HUWE1: variants seen among roughly 807,000 people sequenced by gnomAD.
HUWE1 encodes HECT, UBA and WWE domain containing E3 ubiquitin protein ligase 1, also known as E3 ubiquitin-protein ligase HUWE1.
In HUWE1, 18 loss-of-function variants were observed where a neutral mutation model predicts 299.4. The observed-to-expected ratio is 0.06, with a 90% CI of 0.04 to 0.09. The LOEUF (loss-of-function observed/expected upper bound fraction) is 0.09. Ranked by LOEUF, HUWE1 falls within the 10% of genes least tolerant of loss-of-function variation. HUWE1 has a pLI of 1.00. For synonymous variants in HUWE1, 1,317 were observed against 1,286.1 expected, an observed-to-expected ratio of 1.02 and a Z score of -0.51; for missense variants, 1,832 against 3,462.3, an observed-to-expected ratio of 0.53 and a Z score of 11.82.
rs1353696166 is a variant in HUWE1, at chrX:53,603,297, C to T, written c.2876+71G>A. On this transcript the variant is annotated intron_variant, in intron 27 of 83. Coordinates refer to ENST00000262854, the MANE Select transcript of HUWE1 (RefSeq NM_031407.7). The stretch of plus-strand genomic sequence containing the variant: ...ACTCTCTTCCATACCCTCCTATCCC[C>T]AACCAAAGCAATCCTCCAGGCTCAC... The T allele has an allele frequency of 9.1e-6, 10 of 1,099,541 alleles. No individual in the cohort carries two copies. The Admixed American group carries it at 1.7e-4, about 18-fold the overall frequency. The allele number at this position is 1,099,541 out of a possible 1,213,427, so 90.6% of individuals were successfully genotyped here. A position where few individuals can be genotyped will look rare whatever the true frequency, so the allele number is the denominator to read the frequency against.
chrX:53,568,391 G>C (rs782444152), intron 49 of HUWE1, among the ~76,000 whole-genome samples: 39 of 110,661 alleles, frequency 3.5e-4, no homozygotes, highest in African/African-American at 1.3e-3. Flanking sequence ...TAGGAATACA[G>C]TGTCTACTTC....
intron 3 of HUWE1, among the ~76,000 whole-genome samples, chrX:53,663,088 C>A (rs928214203): frequency 8.9e-5 from 10 of 112,339 alleles, no homozygotes; most frequent in Non-Finnish European, 1.5e-4. Flanking sequence ...TGAGGTATGT[C>A]CACTGAAATT....
chrX:53,646,685 C>A (rs2068073071), intron 6 of HUWE1, among the ~76,000 whole-genome samples: 1 of 111,666 alleles, frequency 9.0e-6, no homozygotes, highest in African/African-American at 3.3e-5. Flanking sequence ...TCAGTTATCC[C>A]ACTTCTTTTC....
chrX:53,627,312 A>T (rs1460301493), intron 17 of HUWE1, 98 bp downstream of exon 17: 2 of 550,002 alleles, frequency 3.6e-6, no homozygotes, highest in African/African-American at 4.6e-5. Flanking sequence ...TACTCAAGTT[A>T]ATTGTGTACT....
At position 53,585,233 on chromosome X, in the gene HUWE1, G is replaced by A. The variant is rs782559846; in HGVS notation, c.4825-45C>T. 121 of 1,155,311 alleles carry A rather than the reference G, an allele frequency of 1.0e-4. 1 individual carries two copies. In the South Asian group the frequency reaches 2.1e-3, roughly 20 times the overall value. ...GTTTCTTTGTATTTCTTTCAAGGTT[G>A]ATTAGAAGAAATAGTAACTTCATCA... On this transcript the variant is annotated intron_variant, in intron 39 of 83. Coordinates refer to ENST00000262854, the MANE Select transcript of HUWE1 (RefSeq NM_031407.7).
At position 53,561,917 on chromosome X, in the gene HUWE1, T is replaced by C. The variant is rs2062311702; in HGVS notation, c.7346A>G (p.Asp2449Gly). 2 of 1,209,327 alleles carry C rather than the reference T, an allele frequency of 1.7e-6. No homozygotes were observed. The highest frequency in any genetic ancestry group is 1.8e-5 in the African/African-American group (1 of 57,022). Residue 2449 changes from aspartate (D) to glycine (G), a missense_variant, in exon 55 of 84, where the codon GAT becomes GGT. Coordinates refer to ENST00000262854, the MANE Select transcript of HUWE1 (RefSeq NM_031407.7). ...EEDEEDDQEDDEGEEGDEDDD... is the reference protein window; with the variant it reads ...EEDEEDDQEDGEGEEGDEDDD... ...GTCTTCATCTCCCTCTTCACCTTCATCATCCTCCTTAAGGGAAAATAGGAG... is the reference window on the plus strand; with the variant it reads ...GTCTTCATCTCCCTCTTCACCTTCACCATCCTCCTTAAGGGAAAATAGGAG...
intron 3 of HUWE1, among the ~76,000 whole-genome samples, chrX:53,666,793 G>C (rs1390442274): frequency 9.0e-6 from 1 of 111,605 alleles, no homozygotes; most frequent in Admixed American, 9.5e-5. Flanking sequence ...GCTGAGTTCT[G>C]CAAGAGTGGG....
At chrX:53,566,065 C>T (rs1569449788) in intron 49 of HUWE1, among the ~76,000 whole-genome samples, 1 of 94,947 alleles carries the variant, frequency 1.1e-5, no homozygotes, top group Non-Finnish European at 2.1e-5. Context: ...CTTTTATCTG[C>T]TTTATGTGTG....
chrX:53,592,087 A>G (rs1556979564), intron 33 of HUWE1, among the ~76,000 whole-genome samples: 3 of 112,168 alleles, frequency 2.7e-5, no homozygotes, highest in Non-Finnish European at 3.8e-5. Flanking sequence ...AATCTGGTTC[A>G]CAATATCCAT....
chrX:53,538,462 G>A lies in HUWE1; in HGVS notation c.11879-8C>T, dbSNP rs782326335. 1.8e-6 allele frequency: 2 copies of A among 1,129,088 alleles called. No homozygotes were observed. The highest frequency in any genetic ancestry group is 3.0e-5 in the East Asian group (1 of 33,506). 93.0% of individuals were successfully genotyped at this position (1,129,088 alleles called of 1,213,427 possible). ...ACACAGTGCGGTGAGTCTCTGAGGG[G>A]AGAAGTGACAGCAGGAATTAAGCAC... On this transcript the variant is annotated splice_region_variant and splice_polypyrimidine_tract_variant and intron_variant, in intron 76 of 83. Transcript: ENST00000262854.
chrX:53,597,006 C>T (rs895808133), intron 29 of HUWE1, among the ~76,000 whole-genome samples: 4 of 111,906 alleles, frequency 3.6e-5, no homozygotes, highest in African/African-American at 9.7e-5. Context: ...TGAAAATGCA[C>T]GTTTATGTGG....
At chrX:53,592,761 G>T in intron 32 of HUWE1, 133 bp from the exon 33 acceptor site, 1 of 513,050 alleles carries the variant, frequency 1.9e-6, no homozygotes, top group Non-Finnish European at 3.4e-6. Flanking sequence ...AACATGAGGA[G>T]GTCTAAGGAG....
intron 25 of HUWE1, among the ~76,000 whole-genome samples, chrX:53,605,071 A>C (rs1200347844): frequency 7.1e-5 from 8 of 112,157 alleles, no homozygotes; most frequent in African/African-American, 2.6e-4. Context: ...ATAACACTTA[A>C]AAGCTTATGA....
intron 61 of HUWE1, among the ~76,000 whole-genome samples, chrX:53,553,975 T>C (rs1324083507): frequency 9.0e-6 from 1 of 110,717 alleles, no homozygotes; most frequent in Non-Finnish European, 1.9e-5. Flanking sequence ...TGAGAAGACT[T>C]TTCAGGCCCC....
chrX:53,615,690 C>T, intron 22 of HUWE1, 54 bp downstream of exon 22: 2 of 992,258 alleles, frequency 2.0e-6, no homozygotes, highest in South Asian at 2.0e-5. Flanking sequence ...TCTTCTAAAA[C>T]CTTCCCCTTC....
intron 17 of HUWE1, among the ~76,000 whole-genome samples, chrX:53,626,887 C>T (rs1451704675): frequency 9.0e-6 from 1 of 111,209 alleles, no homozygotes; most frequent in Non-Finnish European, 1.9e-5. Flanking sequence ...AGGCTGGCCT[C>T]GAACCCCTGG....
At chrX:53,596,779 T>C (rs781826616) in intron 29 of HUWE1, among the ~76,000 whole-genome samples, 21 of 112,536 alleles carry the variant, frequency 1.9e-4, no homozygotes, top group African/African-American at 5.2e-4. Flanking sequence ...ACTAGTGACG[T>C]TGGAAGTGCT....
intron 3 of HUWE1, among the ~76,000 whole-genome samples, chrX:53,667,292 A>G: frequency 8.9e-6 from 1 of 112,270 alleles, no homozygotes; most frequent in Non-Finnish European, 1.9e-5. Flanking sequence ...GTGTAGAAAA[A>G]TAAGTCTAGA....
intron 29 of HUWE1, among the ~76,000 whole-genome samples, chrX:53,598,193 T>G (rs1166344222): frequency 4.5e-5 from 5 of 111,561 alleles, no homozygotes; most frequent in Admixed American, 3.8e-4. Flanking sequence ...GGAACCAAAG[T>G]GACATAAGAC....
Sources: allele counts gnomAD v4.1 joint callset (sites outside exome capture counted in the v4.1 genomes callset), GRCh38; gene constraint gnomAD v4.1.1; transcripts MANE v1.5; gene names NCBI Gene and HGNC (gene_info 2026-07-23, HGNC 2026-07-21).